Variants in NAV2 observed in about 807,000 individuals in gnomAD.
NAV2 encodes the protein neuron navigator 2.
NAV2 carries 54 observed loss-of-function variants against 223.2 expected under a neutral mutation model. That is an observed-to-expected ratio of 0.24 (90% CI 0.19 to 0.30). The LOEUF is 0.30. NAV2 is among the 10% of genes least tolerant of loss of function. The pLI, the probability that NAV2 is intolerant of heterozygous loss-of-function variation, is 1.00. For synonymous variants in NAV2, 1,279 were observed against 1,239.3 expected, an observed-to-expected ratio of 1.03 and a Z score of -0.67; for missense variants, 2,806 against 3,147.5, an observed-to-expected ratio of 0.89 and a Z score of 2.60.
At chr11:20,001,775 A>G (rs755047603) in intron 11 of NAV2, among the ~76,000 whole-genome samples, 1 of 152,088 alleles carries the variant, frequency 6.6e-6, no homozygotes, top group Non-Finnish European at 1.5e-5. Context: ...TAATGGGTGC[A>G]GCACACCAAC....
chr11:20,025,225 G>A (rs1409342140), intron 11 of NAV2, among the ~76,000 whole-genome samples: 1 of 152,174 alleles, frequency 6.6e-6, no homozygotes, highest in Admixed American at 6.5e-5. Flanking sequence ...AAGTGGAGAG[G>A]TGTTTATGGG....
In NAV2 at chr11:19,692,988, T is replaced by A. The variant is rs543112930; in HGVS notation, c.76-139496T>A. ...CCCGATCAGGACAGGTTTTGCTGCC[T>A]GCCCAGGCTCTACAGGGAACCTGAC... is the stretch of plus-strand genomic sequence containing the variant. On this transcript the variant is annotated intron_variant, in intron 1 of 37. Transcript: ENST00000360655. Among the ~76,000 whole-genome samples the A allele has an allele frequency of 2.0e-5, 3 of 152,384 alleles. No individual in the cohort carries two copies. The East Asian group carries it at 5.8e-4, about 29-fold the overall frequency.
intron 6 of NAV2, among the ~76,000 whole-genome samples, chr11:19,909,455 T>A (rs1486200238): frequency 6.6e-6 from 1 of 152,244 alleles, no homozygotes; most frequent in African/African-American, 2.4e-5. Flanking sequence ...GAGACGTTTA[T>A]CTTTCTGCCT....
intron 6 of NAV2, among the ~76,000 whole-genome samples, chr11:19,916,148 AATC>A (rs1233288214): frequency 6.6e-6 from 1 of 152,262 alleles, no homozygotes; most frequent in Non-Finnish European, 1.5e-5. Flanking sequence ...TAATGATTAA[AATC>A]ATGAAGAGCA....
At chr11:19,869,020 A>C (rs759984616) in intron 4 of NAV2, 23 bp downstream of exon 4, 1 of 1,610,762 alleles carries the variant, frequency 6.2e-7, no homozygotes, top group East Asian at 2.2e-5. Flanking sequence ...GCTTGTCACG[A>C]AGCTGCCTCT....
At position 19,564,705 on chromosome 11, in the gene NAV2, C is replaced by T. The variant is rs569855665; in HGVS notation, c.75+213678C>T. Among the ~76,000 whole-genome samples, 8 of 152,298 alleles carry T rather than the reference C, an allele frequency of 5.3e-5. No individual in the cohort carries two copies. In the South Asian group the frequency reaches 1.7e-3, roughly 32 times the overall value. ...AATCAGGGGGCCGGGAGGTCCGCCG[C>T]CGCTTGAGTGCCCACCGTGTGCTAT... is the stretch of plus-strand genomic sequence containing the variant. On this transcript the variant is annotated intron_variant, in intron 1 of 37. Transcript: ENST00000360655.
intron 19 of NAV2, among the ~76,000 whole-genome samples, chr11:20,059,585 A>C (rs955418507): frequency 2.0e-4 from 30 of 152,196 alleles, no homozygotes; most frequent in African/African-American, 7.0e-4. Flanking sequence ...TCTTTAAAAA[A>C]AAACAAACAA....
chr11:19,861,321 G>T, intron 3 of NAV2, among the ~76,000 whole-genome samples: 1 of 152,180 alleles, frequency 6.6e-6, no homozygotes, highest in East Asian at 1.9e-4. Flanking sequence ...AGCTGTGCTT[G>T]AGAGGAAAGC....
At chr11:19,979,841 G>A (rs184869270) in intron 10 of NAV2, among the ~76,000 whole-genome samples, 8 of 152,162 alleles carry the variant, frequency 5.3e-5, no homozygotes, top group South Asian at 2.1e-4. Context: ...AAGAAATTGC[G>A]CTGAAATGCG....
intron 3 of NAV2, among the ~76,000 whole-genome samples, chr11:19,847,272 T>C (rs2152961244): frequency 6.6e-6 from 1 of 152,304 alleles, no homozygotes; most frequent in African/African-American, 2.4e-5. Flanking sequence ...GTGGTTTTCT[T>C]TTTTCATCAT....
intron 1 of NAV2, among the ~76,000 whole-genome samples, chr11:19,519,378 C>G (rs1172490973): frequency 6.6e-6 from 1 of 152,188 alleles, no homozygotes. Flanking sequence ...CTCTTTATGC[C>G]TTATTTAATC....
At chr11:19,376,067 A>C (rs2133890922) in intron 1 of NAV2, among the ~76,000 whole-genome samples, 1 of 152,334 alleles carries the variant, frequency 6.6e-6, no homozygotes, top group African/African-American at 2.4e-5. Flanking sequence ...TTCCAATGGG[A>C]AGTAACAGCT....
At chr11:19,418,311 G>A (rs888496033) in intron 1 of NAV2, among the ~76,000 whole-genome samples, 1 of 152,174 alleles carries the variant, frequency 6.6e-6, no homozygotes, top group African/African-American at 2.4e-5. Flanking sequence ...TCTGCTTTCA[G>A]GAAACCTACA....
Position 19,949,051 on chromosome 11 carries a change from G to A in NAV2, c.2616G>A (p.Lys872=), listed in dbSNP as rs759316594. Reference sequence around the variant, plus strand: ...TGAGCGACGGGGATGTTCTGAGCAAGAACATCCGGACCGATGACATTACAA... The same window carrying A: ...TGAGCGACGGGGATGTTCTGAGCAAAAACATCCGGACCGATGACATTACAA... ...GYMSDGDVLS[K]NIRTDDITSG... Residue 872 remains lysine (K), a synonymous_variant, in exon 10 of 38, where the codon AAG becomes AAA. Transcript: ENST00000349880. 1.2e-6 allele frequency: 2 copies of A among 1,612,696 alleles called. No homozygotes were observed. Among genetic ancestry groups the A allele is most frequent in the South Asian group, 1.1e-5 (1 of 90,868 alleles).
chr11:19,506,368 C>A (rs1363806039), intron 1 of NAV2: 1 of 152,302 alleles, frequency 6.6e-6, no homozygotes, highest in African/African-American at 2.4e-5. Flanking sequence ...GCAGCCTAGG[C>A]AGAGTGAGTG....
chr11:19,679,162 G>A (rs1025958109), intron 1 of NAV2, among the ~76,000 whole-genome samples: 42 of 152,190 alleles, frequency 2.8e-4, no homozygotes, highest in Non-Finnish European at 2.2e-4. Flanking sequence ...TGGGTGCAGC[G>A]GCTCACGCCT....
chr11:20,044,037 T>C lies in NAV2; in HGVS notation c.2964T>C (p.Asp988=). The change falls in exon 13 of 38, where the codon GAT becomes GAC. Residue 988 remains aspartate (D), a synonymous_variant. Transcript: ENST00000349880. ...GGAATTCCCTGTGGTCTGGTGATGATGTCAAGAAATCAGACGGAGGCTCAG... is the reference window on the plus strand; with the variant it reads ...GGAATTCCCTGTGGTCTGGTGATGACGTCAAGAAATCAGACGGAGGCTCAG... ...VERNSLWSGD[D]VKKSDGGSDS... is the part of the protein sequence containing the mutation. The C allele has an allele frequency of 6.2e-7, 1 of 1,614,162 alleles. No homozygotes were observed. The highest frequency in any genetic ancestry group is 8.5e-7 in the Non-Finnish European group (1 of 1,180,016).
At chr11:19,761,045 C>T (rs2054696881) in intron 1 of NAV2, among the ~76,000 whole-genome samples, 1 of 152,078 alleles carries the variant, frequency 6.6e-6, no homozygotes, top group African/African-American at 2.4e-5. Flanking sequence ...TTACCTGAGC[C>T]CTTTGTTGAG....
rs1744606860 is a variant in NAV2, at chr11:19,884,309, C to T, written c.770+4182C>T. 4 of 1,613,762 alleles carry T rather than the reference C, an allele frequency of 2.5e-6. No homozygotes were observed. In the South Asian group the frequency reaches 3.3e-5, roughly 13 times the overall value. On this transcript the variant is annotated intron_variant, in intron 5 of 37. Transcript: ENST00000349880. ...TATCATGCAGTGCATCATCCAAGGA[C>T]TCATCTCAAAGCAAAATCATCCGCT...
Sources: gnomAD v4.1 joint callset for allele counts (sites outside exome capture counted in the v4.1 genomes callset) on GRCh38, gnomAD v4.1.1 for gene constraint, MANE v1.5 for transcripts, NCBI Gene and HGNC (gene_info 2026-07-23, HGNC 2026-07-21) for gene names.